Variants in SNX29 observed in about 807,000 individuals in gnomAD.
SNX29 encodes sorting nexin-29.
A neutral mutation model predicts 102.1 loss-of-function variants in SNX29; 78 were observed. The ratio of observed to expected loss-of-function variants is 0.76; its 90% confidence interval spans 0.64 to 0.92. The LOEUF is 0.92. Ranked by LOEUF, SNX29 falls within the 40% of genes least tolerant of loss-of-function variation. The probability of loss-of-function intolerance (pLI) is 0.00; values close to 1 mark genes in which losing one functional copy is unlikely to be tolerated. For synonymous variants in SNX29, 580 were observed against 414.5 expected (o/e 1.40, Z -4.85); for missense variants, 1,280 against 1,061.7 (o/e 1.21, Z -2.86).
chr16:12,322,073 C>G (rs2080954879), intron 15 of SNX29, among the ~76,000 whole-genome samples: 1 of 152,252 alleles, frequency 6.6e-6, no homozygotes, highest in East Asian at 1.9e-4. Context: ...CACAGTCCTA[C>G]CTGGTTCCCT....
chr16:11,984,667 C>G (rs1265490668), intron 1 of SNX29, among the ~76,000 whole-genome samples: 1 of 151,866 alleles, frequency 6.6e-6, no homozygotes, highest in Non-Finnish European at 1.5e-5. Flanking sequence ...CTCTCTTTTT[C>G]TTTTGAGACA....
intron 20 of SNX29, among the ~76,000 whole-genome samples, chr16:12,538,109 T>C (rs1341804755): frequency 1.5e-5 from 2 of 132,934 alleles, no homozygotes; most frequent in African/African-American, 5.8e-5. Context: ...GCTTTCTGCA[T>C]TTCCCCTTGC....
chr16:12,571,098 C>T lies in SNX29; in HGVS notation c.*2469C>T, dbSNP rs1277541284. 3 of 232,702 alleles carry T rather than the reference C, an allele frequency of 1.3e-5. No homozygotes were observed. The East Asian group carries it at 1.8e-4, about 14-fold the overall frequency. The allele number at this position is 232,702 out of a possible 1,614,324, so 14.4% of individuals were successfully genotyped here. On this transcript the variant is annotated 3_prime_UTR_variant, in exon 21 of 21. Transcript: ENST00000566228. ...CATGACAGCAACTCCCCGAAGCCTTCCCTTTGGAATCCCATAGAATGTTCT... is the reference window on the plus strand; with the variant it reads ...CATGACAGCAACTCCCCGAAGCCTTTCCTTTGGAATCCCATAGAATGTTCT...
chr16:12,009,374 T>C (rs1163368090), intron 3 of SNX29, among the ~76,000 whole-genome samples: 1 of 151,874 alleles, frequency 6.6e-6, no homozygotes, highest in Admixed American at 6.6e-5. Context: ...GTGAGCATGT[T>C]TTTGTATGTG....
intron 15 of SNX29, among the ~76,000 whole-genome samples, chr16:12,339,732 C>T (rs1296107550): frequency 1.3e-5 from 2 of 152,204 alleles, no homozygotes; most frequent in African/African-American, 4.8e-5. Flanking sequence ...CTTAGCAATT[C>T]TTGTCATGAA....
At chr16:12,382,914 A>T (rs1763991646) in intron 16 of SNX29, among the ~76,000 whole-genome samples, 1 of 151,984 alleles carries the variant, frequency 6.6e-6, no homozygotes, top group African/African-American at 2.4e-5. Context: ...TACCTGGATA[A>T]TCTAGGATGT....
chr16:12,082,508 C>G (rs1289341674), intron 11 of SNX29, among the ~76,000 whole-genome samples: 1 of 151,528 alleles, frequency 6.6e-6, no homozygotes, highest in Admixed American at 6.6e-5. Context: ...CTTAAACATG[C>G]TCGAGTTAGG....
chr16:12,513,425 A>G (rs1597681437), intron 19 of SNX29, among the ~76,000 whole-genome samples: 1 of 143,684 alleles, frequency 7.0e-6, no homozygotes, highest in Non-Finnish European at 1.5e-5. Flanking sequence ...CTTTCCTCCT[A>G]CCCTCTCCTC....
At chr16:12,275,510 AG>A (rs1464175889) in intron 14 of SNX29, among the ~76,000 whole-genome samples, 2 of 152,138 alleles carry the variant, frequency 1.3e-5, no homozygotes. Context: ...TCATTTCCAG[AG>A]GTGTCTTGTG....
intron 20 of SNX29, among the ~76,000 whole-genome samples, chr16:12,528,685 C>G (rs1297984838): frequency 6.6e-6 from 1 of 152,226 alleles, no homozygotes; most frequent in Non-Finnish European, 1.5e-5. Flanking sequence ...TGCATGACTA[C>G]CTGGCTCTGG....
intron 13 of SNX29, among the ~76,000 whole-genome samples, chr16:12,157,133 G>C (rs1193663418): frequency 6.6e-6 from 1 of 152,186 alleles, no homozygotes; most frequent in East Asian, 1.9e-4. Context: ...GTCCCCCGAG[G>C]AGTGTGGAGA....
intron 14 of SNX29, among the ~76,000 whole-genome samples, chr16:12,212,093 T>C (rs916063376): frequency 8.5e-5 from 13 of 152,072 alleles, no homozygotes; most frequent in Non-Finnish European, 1.5e-4. Context: ...ATGTTGCCTC[T>C]CCTGGGCCTC....
At chr16:12,155,649 G>A (rs80275410) in intron 13 of SNX29, among the ~76,000 whole-genome samples, 5,892 of 152,290 alleles carry the variant, frequency 0.039, 143 homozygotes, top group Non-Finnish European at 0.059. Flanking sequence ...TTGGAGATGC[G>A]TTTGAGTAGA....
chr16:12,552,020 G>C (rs569666868), intron 20 of SNX29, among the ~76,000 whole-genome samples: 132 of 152,300 alleles, frequency 8.7e-4, no homozygotes, highest in Middle Eastern at 3.4e-3. Flanking sequence ...TCTAAAAAAC[G>C]TGGCAAGTCC....
At chr16:12,242,483 G>T (rs542768195) in intron 14 of SNX29, among the ~76,000 whole-genome samples, 1 of 151,236 alleles carries the variant, frequency 6.6e-6, no homozygotes, top group East Asian at 1.9e-4. Flanking sequence ...CTCTGTCTGT[G>T]AGTGGTCGGA....
intron 1 of SNX29, among the ~76,000 whole-genome samples, chr16:11,993,306 G>T (rs2055925345): frequency 6.6e-6 from 1 of 152,118 alleles, no homozygotes; most frequent in Admixed American, 6.6e-5. Context: ...GGAGTGCCTG[G>T]TTGCCTCCTG....
chr16:12,213,006 C>A (rs1596523756), intron 14 of SNX29, among the ~76,000 whole-genome samples: 1 of 152,066 alleles, frequency 6.6e-6, no homozygotes, highest in Admixed American at 6.6e-5. Context: ...CCCAGCTACT[C>A]GGGAGGCTGA....
chr16:12,401,089 C>T (rs900208837), intron 17 of SNX29, among the ~76,000 whole-genome samples: 1 of 152,126 alleles, frequency 6.6e-6, no homozygotes, highest in Non-Finnish European at 1.5e-5. Flanking sequence ...CCTCGGCCTC[C>T]CAAAGTGTTG....
chr16:12,565,628 G>A (rs2078969329), intron 20 of SNX29, among the ~76,000 whole-genome samples: 2 of 152,208 alleles, frequency 1.3e-5, no homozygotes, highest in African/African-American at 4.8e-5. Context: ...GCCAGGCACA[G>A]ACATGTGACA....
Sources: allele counts gnomAD v4.1 joint callset (sites outside exome capture counted in the v4.1 genomes callset), GRCh38; gene constraint gnomAD v4.1.1; transcripts MANE v1.5; gene names NCBI Gene and HGNC (gene_info 2026-07-23, HGNC 2026-07-21).